The following NUP160 variants were observed in gnomAD, a reference collection of about 807,000 sequenced individuals.
NUP160 encodes the protein nucleoporin 160, also known as nuclear pore complex protein Nup160.
Under a neutral mutation model 196.9 loss-of-function variants are expected in NUP160, and 94 were observed. That is an observed-to-expected ratio of 0.48 (90% CI 0.40 to 0.57). The LOEUF is 0.57. NUP160 is among the 20% of genes least tolerant of loss of function. The pLI is 0.00. For synonymous variants in NUP160, 605 were observed against 619.7 expected (o/e 0.98, Z 0.35); for missense variants, 1,638 against 1,748.3 (o/e 0.94, Z 1.13).
rs375746392 is a variant in NUP160 at position 47,780,256 on chromosome 11, A to T, written c.4221+87T>A. ...AAATAGGCTTTTGTCTTCCCTTTCT[A>T]ATCCCGGAGAACTGAAGATCAAGCT... On this transcript the variant is annotated intron_variant, in intron 35 of 35. Coordinates refer to ENST00000378460, the Ensembl canonical transcript of NUP160. The T allele has an allele frequency of 4.3e-3, 4,092 of 949,642 alleles. 153 individuals are homozygous for T. In the South Asian group the frequency reaches 0.052, roughly 12 times the overall value. 58.8% of individuals were successfully genotyped at this position (949,642 alleles called of 1,614,324 possible). A position where few individuals can be genotyped will look rare whatever the true frequency, so the allele number is the denominator to read the frequency against.
At chr11:47,841,747 G>A (rs560236525) in intron 2 of NUP160, 1 of 216,158 alleles carries the variant, frequency 4.6e-6, no homozygotes, top group Admixed American at 5.5e-5. Flanking sequence ...GGGTGCAGTG[G>A]TGCAATCATA....
chr11:47,841,767 A>G, intron 2 of NUP160: 1 of 185,190 alleles, frequency 5.4e-6, no homozygotes, highest in Non-Finnish European at 1.1e-5. Context: ...AGCTCACTAC[A>G]GCCTCGAACT....
At chr11:47,829,040 AG>A (rs1378215852) in intron 7 of NUP160, among the ~76,000 whole-genome samples, 1 of 152,228 alleles carries the variant, frequency 6.6e-6, no homozygotes, top group African/African-American at 2.4e-5. Flanking sequence ...GGTTTGGCAA[AG>A]GATTCTTAAG....
chr11:47,801,607 C>T (rs1235499790), intron 23 of NUP160, among the ~76,000 whole-genome samples: 1 of 152,162 alleles, frequency 6.6e-6, no homozygotes, highest in South Asian at 2.1e-4. Context: ...GCTTTGGCCT[C>T]CCAAAGTGCT....
At chr11:47,788,470 A>G (rs1445411540) in intron 30 of NUP160, 31 bp downstream of exon 30, 2 of 1,586,690 alleles carry the variant, frequency 1.3e-6, no homozygotes, top group African/African-American at 1.3e-5. Context: ...GGTGCTGACA[A>G]GTCAGAGGCT....
chr11:47,778,275 G>A (rs1260201024), exon 36 of NUP160: 1 of 152,416 alleles, frequency 6.6e-6, no homozygotes, highest in Non-Finnish European at 1.5e-5. Context: ...AATCCAAGAT[G>A]ATTTTATTAT....
intron 35 of NUP160, chr11:47,779,676 T>C (rs749333603): frequency 1.3e-5 from 6 of 468,232 alleles, no homozygotes; most frequent in Non-Finnish European, 2.5e-5. Flanking sequence ...AGAAATGTTG[T>C]TATATATGCC....
In NUP160 at chr11:47,840,355, GA is replaced by G. The variant is rs771413748; in HGVS notation, c.525+22del. The stretch of plus-strand genomic sequence containing the variant: ...ACCCAGAGTAATTTGGGAAATAAAA[GA>G]TATTGCACTTAGCCAACTTACACTC... On this transcript the variant is annotated intron_variant, in intron 3 of 35. Transcript: ENST00000378460. The G allele has an allele frequency of 1.9e-6, 3 of 1,580,502 alleles. No homozygotes were observed. In the Admixed American group the frequency reaches 5.0e-5, roughly 26 times the overall value.
chr11:47,840,658 A>G (rs1206046347), intron 2 of NUP160, 70 bp from the exon 3 acceptor site: 23 of 1,280,258 alleles, frequency 1.8e-5, no homozygotes, highest in Middle Eastern at 3.8e-4. Context: ...GAAATATATG[A>G]GAACAGTGTC....
In NUP160 at chr11:47,848,207, C is replaced by T. The variant is rs776649997; in HGVS notation, c.202+12G>A. ...ACAGATGGGATCGCACCCTCCCTGG[C>T]CATTTCCGTACCAATGCTGCAGACT... On this transcript the variant is annotated intron_variant, in intron 1 of 35. Coordinates refer to ENST00000378460, the Ensembl canonical transcript of NUP160. 7.4e-6 allele frequency: 12 copies of T among 1,614,074 alleles called. No homozygotes were observed. Among genetic ancestry groups the T allele is most frequent in the South Asian group, 3.3e-5 (3 of 91,078 alleles).
chr11:47,819,314 A>G (rs1851805181), intron 10 of NUP160, 60 bp downstream of exon 10: 1 of 896,298 alleles, frequency 1.1e-6, no homozygotes, highest in African/African-American at 1.7e-5. Context: ...CTCTGTCTCA[A>G]AAAAAAAAAA....
chr11:47,791,311 G>A lies in NUP160; in HGVS notation c.3511+619C>T, dbSNP rs575680092. Among the ~76,000 whole-genome samples, 13 of 152,156 alleles carry A rather than the reference G, an allele frequency of 8.5e-5. No homozygotes were observed. The South Asian group carries it at 1.0e-3, about 12-fold the overall frequency. On this transcript the variant is annotated intron_variant, in intron 29 of 35. Transcript: ENST00000378460. ...TCTGCTCTTTGGGAGCACTTCCAGC[G>A]TCACTAGTGACACTTCGTATGGGTC...
chr11:47,835,307 T>C (rs1461953219), intron 7 of NUP160, among the ~76,000 whole-genome samples: 1 of 152,218 alleles, frequency 6.6e-6, no homozygotes, highest in African/African-American at 2.4e-5. Context: ...CAGCAGCTAC[T>C]GTCTGGATGC....
chr11:47,808,640 C>G, intron 17 of NUP160, 111 bp from the exon 18 acceptor site: 1 of 760,552 alleles, frequency 1.3e-6, no homozygotes, highest in Non-Finnish European at 2.0e-6. Flanking sequence ...GGTCACAATA[C>G]TGTAAAAGCA....
chr11:47,792,090 G>T, intron 28 of NUP160, 100 bp from the exon 29 acceptor site: 1 of 807,038 alleles, frequency 1.2e-6, no homozygotes, highest in Non-Finnish European at 2.0e-6. Flanking sequence ...TTTCTCAATG[G>T]AAATTATTTT....
chr11:47,785,052 T>C lies in NUP160; in HGVS notation c.3860A>G (p.Glu1287Gly). ...GTAAGTGGATAATAGTCGCCATGCT[T>C]CATCTGTAGCACTTGAAAAAAACAA... The change falls in exon 33 of 36, where the codon GAA (glutamate) becomes GGA (glycine). Residue 1287 changes from glutamate (E) to glycine (G), a missense_variant. Physicochemically the swap from Glu to Gly is moderately conservative, Grantham distance 98. Around this residue, in one of 3 missense-constraint regions of NUP160, gnomAD observed 1,345 missense variants for 1,470.2 expected, o/e 0.91. Transcript: ENST00000378460. The C allele has an allele frequency of 6.7e-7, 1 of 1,494,612 alleles. No homozygotes were observed. Among genetic ancestry groups the C allele is most frequent in the Non-Finnish European group, 9.0e-7 (1 of 1,113,222 alleles). 92.6% of individuals were successfully genotyped at this position (1,494,612 alleles called of 1,614,324 possible).
intron 6 of NUP160, 102 bp from the exon 7 acceptor site, chr11:47,835,911 CTAGTTTAT>C: frequency 5.4e-6 from 5 of 930,504 alleles, no homozygotes; most frequent in Non-Finnish European, 7.8e-6. Flanking sequence ...ACTGCTCTAT[CTAGTTTAT>C]CTGCTAAAAG....
At chr11:47,840,049 C>T (rs1256907344) in exon 4 of NUP160, 3 of 1,612,420 alleles carry the variant, frequency 1.9e-6, no homozygotes, top group Non-Finnish European at 2.5e-6. Flanking sequence ...CTGCATCTGA[C>T]TGTCAACTAC....
At chr11:47,840,385 T>C (rs1852271740) in exon 3 of NUP160, 1 of 1,612,990 alleles carries the variant, frequency 6.2e-7, no homozygotes, top group Non-Finnish European at 8.5e-7. Context: ...TACACTCCTA[T>C]ACATCCGGGA....
Sources: allele counts gnomAD v4.1 joint callset (sites outside exome capture counted in the v4.1 genomes callset), GRCh38; gene constraint gnomAD v4.1.1; regional missense constraint gnomAD v4.1.1; transcripts MANE v1.5; gene names NCBI Gene and HGNC (gene_info 2026-07-23, HGNC 2026-07-21).